The following CLRN2 variants were observed in gnomAD, a reference collection of about 807,000 sequenced individuals.
CLRN2 encodes the protein clarin-2.
CLRN2 carries 17 observed loss-of-function variants against 20.1 expected under a neutral mutation model. That is an observed-to-expected ratio of 0.85 (90% CI 0.58 to 1.27). CLRN2 has a LOEUF of 1.27. CLRN2 is among the 50% of genes most tolerant of loss of function. The pLI, the probability that CLRN2 is intolerant of heterozygous loss-of-function variation, is 0.00. For synonymous variants in CLRN2, 140 were observed against 126.9 expected (o/e 1.10, Z -0.70); for missense variants, 288 against 299.5 (o/e 0.96, Z 0.28).
Position 17,523,163 on chromosome 4 carries a change from G to A in CLRN2, c.433+120G>A, listed in dbSNP as rs934873001. Reference sequence around the variant, plus strand: ...CCCACTGGAGCCTTGACCTTCCTGGGTCTAAGACCTTCTTGATGGGCATGG... The same window carrying A: ...CCCACTGGAGCCTTGACCTTCCTGGATCTAAGACCTTCTTGATGGGCATGG... On this transcript the variant is annotated intron_variant, in intron 2 of 2. Coordinates refer to ENST00000511148, the MANE Select transcript of CLRN2 (RefSeq NM_001079827.2). 38 of 658,488 alleles carry A rather than the reference G, an allele frequency of 5.8e-5. No homozygotes were observed. In the East Asian group the frequency reaches 7.4e-4, roughly 13 times the overall value. 40.8% of individuals were successfully genotyped at this position (658,488 alleles called of 1,614,324 possible). A position where few individuals can be genotyped will look rare whatever the true frequency, so the allele number is the denominator to read the frequency against.
chr4:17,523,090 G>C, intron 2 of CLRN2, 47 bp downstream of exon 2: 1 of 1,515,406 alleles, frequency 6.6e-7, no homozygotes, highest in Non-Finnish European at 9.0e-7. Context: ...ACCATCATAG[G>C]GCTGGGCTCC....
At chr4:17,522,078 A>C (rs1711848743) in intron 1 of CLRN2, among the ~76,000 whole-genome samples, 1 of 152,222 alleles carries the variant, frequency 6.6e-6, no homozygotes, top group East Asian at 1.9e-4. Context: ...CAAGCAATTA[A>C]TGTCTCCAAG....
chr4:17,515,629 A>G (rs1373408557), intron 1 of CLRN2, 110 bp downstream of exon 1: 1 of 1,239,368 alleles, frequency 8.1e-7, no homozygotes, highest in Non-Finnish European at 1.1e-6. Flanking sequence ...CGTCAGGCAT[A>G]ATGTCAAAGT....
intron 1 of CLRN2, among the ~76,000 whole-genome samples, chr4:17,522,474 T>A (rs1406181007): frequency 6.6e-6 from 1 of 152,252 alleles, no homozygotes; most frequent in Non-Finnish European, 1.5e-5. Context: ...GGCAAATTAA[T>A]ATTTTAATAA....
chr4:17,521,196 G>T (rs1208203006), intron 1 of CLRN2, among the ~76,000 whole-genome samples: 1 of 152,164 alleles, frequency 6.6e-6, no homozygotes, highest in Non-Finnish European at 1.5e-5. Flanking sequence ...CCAGGGTAAA[G>T]TTTCCAATGC....
rs1393382040 is a variant in CLRN2, at chr4:17,523,486, G to T, written c.433+443G>T. Among the ~76,000 whole-genome samples, 4 of 151,962 alleles carry T rather than the reference G, an allele frequency of 2.6e-5. No homozygotes were observed. In the East Asian group the frequency reaches 5.8e-4, roughly 22 times the overall value. ...TGTCTTAGCCTCCCAAAGTGCTCAA[G>T]AATTTCCTCTTTAAGTTGCAGAGTC... is the stretch of plus-strand genomic sequence containing the variant. On this transcript the variant is annotated intron_variant, in intron 2 of 2. Transcript: ENST00000511148.
chr4:17,515,324 TC>T lies in CLRN2; in HGVS notation c.60del (p.Phe21SerfsTer3). The stretch of plus-strand genomic sequence containing the variant: ...GCTGGCGTCTTTACTCAGCTTCTCC[TC>T]CTTCATCCTGATCATCGTTGCCCTG... ...YGLASLLSFS[S>X]FILIIVALVV... On this transcript the variant is annotated frameshift_variant, in exon 1 of 3. Coordinates refer to ENST00000511148, the MANE Select transcript of CLRN2 (RefSeq NM_001079827.2). LOFTEE classifies it high-confidence loss of function. 6.2e-7 allele frequency: 1 copy of T among 1,614,054 alleles called. No individual in the cohort carries two copies. The highest frequency in any genetic ancestry group is 8.5e-7 in the Non-Finnish European group (1 of 1,179,902).
intron 2 of CLRN2, among the ~76,000 whole-genome samples, chr4:17,524,472 TATCA>T (rs894282947): frequency 5.9e-5 from 9 of 152,146 alleles, no homozygotes; most frequent in Non-Finnish European, 1.3e-4. Flanking sequence ...TTATAATGTA[TATCA>T]ATCAATCAAT....
intron 1 of CLRN2, among the ~76,000 whole-genome samples, chr4:17,521,199 T>C (rs1279363024): frequency 6.6e-6 from 1 of 152,102 alleles, no homozygotes; most frequent in African/African-American, 2.4e-5. Context: ...GGGTAAAGTT[T>C]CCAATGCTGA....
At chr4:17,516,887 A>C (rs922292489) in intron 1 of CLRN2, among the ~76,000 whole-genome samples, 1 of 152,228 alleles carries the variant, frequency 6.6e-6, no homozygotes, top group African/African-American at 2.4e-5. Flanking sequence ...TAAACAATCT[A>C]CTGACAAAAG....
chr4:17,523,907 A>G (rs1237106024), intron 2 of CLRN2, among the ~76,000 whole-genome samples: 1 of 151,076 alleles, frequency 6.6e-6, no homozygotes, highest in Admixed American at 6.6e-5. Context: ...TCACTGCACC[A>G]TGCCCTTAAA....
At chr4:17,526,448 T>C (rs1019242616) in intron 2 of CLRN2, among the ~76,000 whole-genome samples, 2 of 152,102 alleles carry the variant, frequency 1.3e-5, no homozygotes, top group African/African-American at 4.8e-5. Flanking sequence ...TAGTCCCAGC[T>C]ACTCAGGAGG....
intron 1 of CLRN2, among the ~76,000 whole-genome samples, chr4:17,522,172 C>T (rs901968105): frequency 2.6e-5 from 4 of 152,070 alleles, no homozygotes; most frequent in Non-Finnish European, 5.9e-5. Flanking sequence ...AATGTTTGGC[C>T]CATGACTGCA....
chr4:17,521,047 A>G (rs1711826850), intron 1 of CLRN2, among the ~76,000 whole-genome samples: 1 of 152,096 alleles, frequency 6.6e-6, no homozygotes, highest in South Asian at 2.1e-4. Flanking sequence ...ATATCAGCAC[A>G]AGCTACTGTG....
intron 1 of CLRN2, among the ~76,000 whole-genome samples, chr4:17,518,293 C>A (rs1356701696): frequency 6.6e-6 from 1 of 151,904 alleles, no homozygotes; most frequent in East Asian, 1.9e-4. Context: ...TTTTTTATAC[C>A]CAGGCCCTAT....
chr4:17,519,860 T>C (rs1484603142), intron 1 of CLRN2, among the ~76,000 whole-genome samples: 1 of 152,126 alleles, frequency 6.6e-6, no homozygotes, highest in Non-Finnish European at 1.5e-5. Flanking sequence ...AATTTCTACT[T>C]TTTTCTTCTT....
chr4:17,519,948 A>G (rs530057296), intron 1 of CLRN2, among the ~76,000 whole-genome samples: 2 of 152,296 alleles, frequency 1.3e-5, no homozygotes, highest in South Asian at 2.1e-4. Flanking sequence ...GCCTCAAGCA[A>G]TCCCCCCATA....
rs201748212 is a variant in CLRN2 at position 17,522,893 on chromosome 4, G to A, written c.283G>A (p.Ala95Thr). The A allele has an allele frequency of 5.1e-5, 83 of 1,613,958 alleles. No homozygotes were observed. The highest frequency in any genetic ancestry group is 6.2e-5 in the Non-Finnish European group (73 of 1,179,888). Residue 95 changes from alanine to threonine, a missense_variant, in exon 2 of 3, where the codon GCA becomes ACA. Ala to Thr is a moderately conservative substitution (Grantham distance 58). Transcript: ENST00000511148. ...IFPHLVKELN[A>T]GLHVMILLLL... ...CCCACACCTGGTGAAGGAGCTCAACGCAGGCCTTCATGTGATGATTCTGCT... is the reference window on the plus strand; with the variant it reads ...CCCACACCTGGTGAAGGAGCTCAACACAGGCCTTCATGTGATGATTCTGCT...
At chr4:17,523,534 AT>A (rs1242943890) in intron 2 of CLRN2, among the ~76,000 whole-genome samples, 4 of 151,988 alleles carry the variant, frequency 2.6e-5, no homozygotes, top group African/African-American at 9.7e-5. Context: ...GAAGCATCTT[AT>A]TAGAGTACGT....
Sources: gnomAD v4.1 joint callset for allele counts (sites outside exome capture counted in the v4.1 genomes callset) on GRCh38, gnomAD v4.1.1 for gene constraint, MANE v1.5 for transcripts, NCBI Gene and HGNC (gene_info 2026-07-23, HGNC 2026-07-21) for gene names.